TNIK: variants seen among roughly 807,000 people sequenced by gnomAD.
TNIK encodes the protein TRAF2 and NCK-interacting protein kinase.
A neutral mutation model predicts 191.3 loss-of-function variants in TNIK; 49 were observed. That is an observed-to-expected ratio of 0.26 (90% confidence interval 0.20 to 0.32). The LOEUF is 0.32. Ranked by LOEUF, TNIK falls within the 10% of genes least tolerant of loss-of-function variation. The pLI, the probability that TNIK is intolerant of heterozygous loss-of-function variation, is 1.00. For synonymous variants in TNIK, 594 were observed against 600.9 expected, an observed-to-expected ratio of 0.99 and a Z score of 0.17; for missense variants, 1,155 against 1,702.3, an observed-to-expected ratio of 0.68 and a Z score of 5.66.
intron 2 of TNIK, among the ~76,000 whole-genome samples, chr3:171,324,720 T>G (rs1755547782): frequency 6.6e-6 from 1 of 152,144 alleles, no homozygotes; most frequent in South Asian, 2.1e-4. Flanking sequence ...ATTGTTGTTG[T>G]TTTTTACCCA....
intron 1 of TNIK, among the ~76,000 whole-genome samples, chr3:171,371,713 A>T (rs1259070442): frequency 6.6e-6 from 1 of 152,112 alleles, no homozygotes; most frequent in Non-Finnish European, 1.5e-5. Flanking sequence ...TGTTGGTTAA[A>T]CTACTAGGCC....
rs995622529 is a variant in TNIK at position 171,188,848 on chromosome 3, C to T, written c.509-16G>A. On this transcript the variant is annotated splice_polypyrimidine_tract_variant and intron_variant, in intron 6 of 32. Coordinates refer to ENST00000436636, the MANE Select transcript of TNIK (RefSeq NM_015028.4). Reference sequence around the variant, plus strand: ...CCAAAGTCCACTATTTAAGAAAAGACAAGTAAATAAAGTCTGTGATCATAG... The same window carrying T: ...CCAAAGTCCACTATTTAAGAAAAGATAAGTAAATAAAGTCTGTGATCATAG... 1.9e-5 allele frequency: 31 copies of T among 1,611,338 alleles called. No homozygotes were observed. Among genetic ancestry groups the T allele is most frequent in the Non-Finnish European group, 2.5e-5 (29 of 1,178,544 alleles).
chr3:171,347,797 C>T (rs1712505389), intron 2 of TNIK, among the ~76,000 whole-genome samples: 1 of 152,032 alleles, frequency 6.6e-6, no homozygotes, highest in Non-Finnish European at 1.5e-5. Context: ...CTCTTAATAC[C>T]AAGGAAACCT....
chr3:171,156,341 TG>T (rs762853154), intron 12 of TNIK, among the ~76,000 whole-genome samples: 20 of 152,208 alleles, frequency 1.3e-4, no homozygotes, highest in Non-Finnish European at 2.4e-4. Context: ...TGGACCTTGA[TG>T]TACCATTTAA....
At chr3:171,320,829 C>A in intron 2 of TNIK, among the ~76,000 whole-genome samples, 1 of 152,222 alleles carries the variant, frequency 6.6e-6, no homozygotes, top group East Asian at 1.9e-4. Flanking sequence ...TGTAAAGAGG[C>A]TGTGTCTGAG....
chr3:171,394,174 C>T (rs534735171), intron 1 of TNIK, among the ~76,000 whole-genome samples: 1 of 152,312 alleles, frequency 6.6e-6, no homozygotes, highest in East Asian at 1.9e-4. Context: ...CCTGTTTGAA[C>T]CAGCCAATGA....
Position 171,087,402 on chromosome 3 carries a change from G to A in TNIK, c.2826C>T (p.Thr942=). ...AGACGCGCCCCAGTCCCTCAGTCGG[G>A]GTTCCAGCTGGAGAATGGCTCTGCT... The part of the protein sequence containing the change: ...LVQQSHSPAG[T]PTEGLGRVST... The change falls in exon 24 of 33, where the codon ACC becomes ACT. Residue 942 remains threonine, a synonymous_variant. Coordinates refer to ENST00000436636, the MANE Select transcript of TNIK (RefSeq NM_015028.4). 1 of 1,613,968 alleles carries A rather than the reference G, an allele frequency of 6.2e-7. No homozygotes were observed. Among genetic ancestry groups the A allele is most frequent in the Non-Finnish European group, 8.5e-7 (1 of 1,179,888 alleles).
intron 2 of TNIK, among the ~76,000 whole-genome samples, chr3:171,249,729 A>G (rs998613562): frequency 1.8e-4 from 27 of 152,208 alleles, no homozygotes; most frequent in African/African-American, 6.5e-4. Flanking sequence ...GCCTGCAGGA[A>G]AGCATATACA....
chr3:171,141,475 A>AT (rs1730828518), intron 12 of TNIK, among the ~76,000 whole-genome samples: 1 of 152,200 alleles, frequency 6.6e-6, no homozygotes, highest in Admixed American at 6.5e-5. Flanking sequence ...AAAGGAGAAC[A>AT]TTTTAGAAGT....
At chr3:171,427,338 T>C (rs1724774647) in intron 1 of TNIK, among the ~76,000 whole-genome samples, 1 of 152,204 alleles carries the variant, frequency 6.6e-6, no homozygotes, top group African/African-American at 2.4e-5. Context: ...GTTTCTTCTC[T>C]TCCTTTCTTC....
chr3:171,188,635 G>A, intron 7 of TNIK, 67 bp downstream of exon 7: 2 of 1,578,654 alleles, frequency 1.3e-6, no homozygotes, highest in Non-Finnish European at 1.7e-6. Flanking sequence ...ATAAGGGCAT[G>A]TAAGACTTTA....
chr3:171,106,099 T>C (rs1724822845), intron 21 of TNIK, among the ~76,000 whole-genome samples: 1 of 152,176 alleles, frequency 6.6e-6, no homozygotes. Context: ...TGGCCATAAG[T>C]CTGAAAAAGT....
At chr3:171,064,087 G>A in intron 32 of TNIK, 123 bp from the exon 33 acceptor site, 1 of 835,894 alleles carries the variant, frequency 1.2e-6, no homozygotes, top group Non-Finnish European at 1.9e-6. Context: ...AAGACTCAAT[G>A]GCTTGTGTTT....
intron 12 of TNIK, among the ~76,000 whole-genome samples, chr3:171,151,860 T>C (rs944993264): frequency 4.3e-4 from 66 of 152,216 alleles, no homozygotes; most frequent in Non-Finnish European, 7.4e-4. Context: ...GGAGGCTGTC[T>C]AGGAGCATTT....
chr3:171,364,756 T>C (rs1361061655), intron 2 of TNIK, among the ~76,000 whole-genome samples: 2 of 152,108 alleles, frequency 1.3e-5, no homozygotes, highest in African/African-American at 2.4e-5. Flanking sequence ...CTAGCTGTAA[T>C]AGACACAGGG....
chr3:171,073,279 A>G (rs1219436082), intron 28 of TNIK, among the ~76,000 whole-genome samples: 1 of 152,104 alleles, frequency 6.6e-6, no homozygotes, highest in Non-Finnish European at 1.5e-5. Context: ...CAACAAAGTC[A>G]ACAAACATAA....
intron 2 of TNIK, among the ~76,000 whole-genome samples, chr3:171,278,005 G>T (rs890928219): frequency 4.6e-5 from 7 of 152,184 alleles, no homozygotes; most frequent in African/African-American, 1.7e-4. Context: ...TCCAGCAGGG[G>T]TGACAGAACA....
At chr3:171,234,056 C>T (rs1393273162) in intron 2 of TNIK, among the ~76,000 whole-genome samples, 1 of 152,170 alleles carries the variant, frequency 6.6e-6, no homozygotes, top group Non-Finnish European at 1.5e-5. Context: ...TTTAGCTTTA[C>T]TTCTGAGCTG....
chr3:171,134,564 C>T (rs919602666), intron 15 of TNIK, among the ~76,000 whole-genome samples: 1 of 152,148 alleles, frequency 6.6e-6, no homozygotes, highest in Non-Finnish European at 1.5e-5. Flanking sequence ...GGATTATAGA[C>T]GTGAGCCACC....
Sources: allele counts gnomAD v4.1 joint callset (sites outside exome capture counted in the v4.1 genomes callset), GRCh38; gene constraint gnomAD v4.1.1; transcripts MANE v1.5; gene names NCBI Gene and HGNC (gene_info 2026-07-23, HGNC 2026-07-21).